PITPNM2: variants seen among roughly 807,000 people sequenced by gnomAD.
The protein encoded by PITPNM2 is membrane-associated phosphatidylinositol transfer protein 2.
PITPNM2 carries 35 observed loss-of-function variants against 132.2 expected under a neutral mutation model. That is an observed-to-expected ratio of 0.26 (90% CI 0.20 to 0.35). The LOEUF is 0.35. PITPNM2 is among the 10% of genes least tolerant of loss of function. PITPNM2 has a pLI of 1.00. For missense variants in PITPNM2, 1,332 were observed against 1,912.0 expected (o/e 0.70, Z 5.66); for synonymous variants, 738 against 799.2 (o/e 0.92, Z 1.29).
chr12:122,999,410 A>G (rs2038562528), intron 10 of PITPNM2, among the ~76,000 whole-genome samples: 1 of 152,188 alleles, frequency 6.6e-6, no homozygotes. Context: ...GAACAACATG[A>G]GCCCTGTTGG....
At chr12:123,137,758 T>C (rs754643571) in intron 1 of PITPNM2, among the ~76,000 whole-genome samples, 1 of 151,600 alleles carries the variant, frequency 6.6e-6, no homozygotes, top group Non-Finnish European at 1.5e-5. Flanking sequence ...CGGGACGTGG[T>C]GGTGCGTGTC....
At chr12:123,060,030 T>A (rs1418917802) in intron 2 of PITPNM2, among the ~76,000 whole-genome samples, 1 of 152,152 alleles carries the variant, frequency 6.6e-6, no homozygotes, top group Non-Finnish European at 1.5e-5. Flanking sequence ...TCAGTTTCCT[T>A]TTTTTCTCCA....
chr12:123,132,029 C>T (rs1311550320), intron 1 of PITPNM2, among the ~76,000 whole-genome samples: 1 of 152,266 alleles, frequency 6.6e-6, no homozygotes, highest in Non-Finnish European at 1.5e-5. Flanking sequence ...GTTGGGTTCT[C>T]AGCACACCCA....
chr12:123,140,876 C>T (rs2043491946), intron 1 of PITPNM2, among the ~76,000 whole-genome samples: 1 of 151,956 alleles, frequency 6.6e-6, no homozygotes, highest in South Asian at 2.1e-4. Context: ...GCTCTAAGTC[C>T]ATGCATCCCT....
rs750954617 is a variant in PITPNM2 at position 122,997,352 on chromosome 12, C to G, written c.1445G>C (p.Cys482Ser). 7 of 1,613,242 alleles carry G rather than the reference C, an allele frequency of 4.3e-6. No homozygotes were observed. In the Admixed American group the frequency reaches 1.2e-4, roughly 27 times the overall value. The change falls in exon 11 of 26, where the codon TGC becomes TCC. Residue 482 changes from cysteine (C) to serine (S), a missense_variant. This residue lies in a region of PITPNM2 where 710 missense variants were observed against 911.5 expected (regional missense o/e 0.78). Coordinates refer to ENST00000320201, the MANE Select transcript of PITPNM2 (RefSeq NM_020845.3). ...GGAGACCAGGGCAAAGGCGTCAGAGCAGACGGGCGGGCAGGGCACCAGGCG... is the reference window on the plus strand; with the variant it reads ...GGAGACCAGGGCAAAGGCGTCAGAGGAGACGGGCGGGCAGGGCACCAGGCG... ...AIRLVPCPPV[C>S]SDAFALVSNL...
intron 1 of PITPNM2, among the ~76,000 whole-genome samples, chr12:123,146,504 G>A (rs1312757265): frequency 6.6e-6 from 1 of 152,038 alleles, no homozygotes; most frequent in Non-Finnish European, 1.5e-5. Context: ...TGAGGCAGGA[G>A]AATCGCTTGA....
At chr12:123,105,934 C>T (rs1254707309) in intron 2 of PITPNM2, among the ~76,000 whole-genome samples, 3 of 152,280 alleles carry the variant, frequency 2.0e-5, no homozygotes, top group East Asian at 1.9e-4. Context: ...GCAGGGCACC[C>T]GGCCTCACAT....
At chr12:123,141,286 T>G (rs968241029) in intron 1 of PITPNM2, among the ~76,000 whole-genome samples, 2 of 152,202 alleles carry the variant, frequency 1.3e-5, no homozygotes, top group Non-Finnish European at 2.9e-5. Flanking sequence ...CAGCAACATT[T>G]GTGAGAGTCC....
chr12:123,133,309 A>G (rs984890606), intron 1 of PITPNM2, among the ~76,000 whole-genome samples: 4 of 152,222 alleles, frequency 2.6e-5, no homozygotes, highest in African/African-American at 9.6e-5. Flanking sequence ...CCATCTGCCT[A>G]CTTCATTCCT....
intron 1 of PITPNM2, among the ~76,000 whole-genome samples, chr12:123,113,763 A>G (rs1353984464): frequency 1.3e-5 from 2 of 152,128 alleles, no homozygotes; most frequent in Non-Finnish European, 2.9e-5. Context: ...TCTACTTACA[A>G]TGTTGTACAA....
rs1555299890 is a variant in PITPNM2, at chr12:123,133,821, C to CACACAT, written c.-200+16931_-200+16932insATGTGT. ...ACACACACACACACACACAGACACA[C>CACACAT]ACACGCTCCTCCCTCACTGTACACG... is the stretch of plus-strand genomic sequence containing the variant. On this transcript the variant is annotated intron_variant, in intron 1 of 25. Transcript: ENST00000320201. 3.9e-3 allele frequency among the ~76,000 whole-genome samples: 590 copies of CACACAT among 150,808 alleles called. 7 individuals carry two copies. The highest frequency in any genetic ancestry group is 0.011 in the East Asian group (54 of 5,106).
At chr12:123,145,625 G>A (rs1565884799) in intron 1 of PITPNM2, among the ~76,000 whole-genome samples, 1 of 152,174 alleles carries the variant, frequency 6.6e-6, no homozygotes, top group African/African-American at 2.4e-5. Context: ...CTCTCTCCAA[G>A]GTTGTCTTGG....
At position 122,987,373 on chromosome 12, in the gene PITPNM2, G is replaced by T; in HGVS notation, c.3321C>A (p.Phe1107Leu). 3 of 1,613,670 alleles carry T rather than the reference G, an allele frequency of 1.9e-6. No individual in the cohort carries two copies. The highest frequency in any genetic ancestry group is 2.5e-6 in the Non-Finnish European group (3 of 1,180,024). The part of the protein sequence containing the change: ...YITVLPKGTE[F>L]VVFSIDGSFA... ...AGGAACCGTCGATGCTGAAGACCAC[G>T]AACTCTGTGCCCTTGGGCAGCACGG... is the stretch of plus-strand genomic sequence containing the variant. The change falls in exon 23 of 26, where the codon TTC becomes TTA. Residue 1107 changes from phenylalanine (F) to leucine (L), a missense_variant. Physicochemically the swap from Phe to Leu is conservative, Grantham distance 22 (BLOSUM62 0). Transcript: ENST00000320201.
chr12:123,014,046 T>C lies in PITPNM2; in HGVS notation c.79-4A>G. 1.2e-6 allele frequency: 2 copies of C among 1,614,070 alleles called. No individual in the cohort carries two copies. On this transcript the variant is annotated splice_region_variant and splice_polypyrimidine_tract_variant and intron_variant, in intron 3 of 25. Transcript: ENST00000320201. ...ATGTCTCGTTACGGCTCTTCTTCTG[T>C]GGGGACAAAAGCACCTGCAATGTGT...
intron 1 of PITPNM2, among the ~76,000 whole-genome samples, chr12:123,146,890 G>A (rs181703890): frequency 2.6e-3 from 396 of 152,296 alleles, no homozygotes; most frequent in Middle Eastern, 0.014. Context: ...CTTCTATTCT[G>A]CCAGCCTCTG....
intron 2 of PITPNM2, among the ~76,000 whole-genome samples, chr12:123,057,759 G>A (rs2041086451): frequency 6.6e-6 from 1 of 152,210 alleles, no homozygotes; most frequent in Non-Finnish European, 1.5e-5. Flanking sequence ...CCCACCCCTA[G>A]TTGAGGAACA....
chr12:123,032,323 G>A (rs780576951), intron 3 of PITPNM2, among the ~76,000 whole-genome samples: 7 of 152,030 alleles, frequency 4.6e-5, no homozygotes, highest in Admixed American at 2.0e-4. Context: ...CTAAAAATAC[G>A]AAAATTAGTT....
chr12:123,126,088 C>T (rs1211580751), intron 1 of PITPNM2, among the ~76,000 whole-genome samples: 4 of 151,648 alleles, frequency 2.6e-5, no homozygotes, highest in Non-Finnish European at 4.4e-5. Flanking sequence ...CCAGGATGGT[C>T]TCAATCTTCT....
chr12:122,987,203 C>T (rs1380551310), intron 23 of PITPNM2, 78 bp downstream of exon 23: 9 of 1,582,492 alleles, frequency 5.7e-6, no homozygotes, highest in Non-Finnish European at 6.9e-6. Context: ...CTCCGCTGTC[C>T]TCCTCCACCT....
Sources: allele counts gnomAD v4.1 joint callset (sites outside exome capture counted in the v4.1 genomes callset), GRCh38; gene constraint gnomAD v4.1.1; regional missense constraint gnomAD v4.1.1; transcripts MANE v1.5; gene names NCBI Gene and HGNC (gene_info 2026-07-23, HGNC 2026-07-21).